The following RSRC1 variants were observed in gnomAD, a reference collection of about 807,000 sequenced individuals.
The protein encoded by RSRC1 is serine/Arginine-related protein 53.
In RSRC1, 39 loss-of-function variants were observed where a neutral mutation model predicts 49.1. The observed-to-expected ratio is 0.79, with a 90% CI of 0.61 to 1.04. The LOEUF is 1.04. Among genes scored for constraint, RSRC1 ranks in the 50% least tolerant of loss-of-function variants. The pLI is 0.00. For synonymous variants in RSRC1, 143 were observed against 130.8 expected (o/e 1.09, Z -0.63); for missense variants, 388 against 402.4 (o/e 0.96, Z 0.31).
intron 3 of RSRC1, among the ~76,000 whole-genome samples, chr3:158,154,787 G>A (rs1219972893): frequency 2.0e-5 from 3 of 152,048 alleles, no homozygotes; most frequent in Non-Finnish European, 2.9e-5. Context: ...ATTAGAGTCA[G>A]TCTTCTCAAA....
At chr3:158,141,521 A>C (rs1459660313) in intron 3 of RSRC1, among the ~76,000 whole-genome samples, 2 of 152,216 alleles carry the variant, frequency 1.3e-5, no homozygotes, top group Non-Finnish European at 2.9e-5. Context: ...ATGACTATGC[A>C]AGTGTAAATA....
At chr3:158,140,281 A>G (rs1716663180) in intron 3 of RSRC1, among the ~76,000 whole-genome samples, 1 of 152,200 alleles carries the variant, frequency 6.6e-6, no homozygotes, top group Non-Finnish European at 1.5e-5. Context: ...GTTCACTTTC[A>G]TACGGGAGGC....
intron 4 of RSRC1, among the ~76,000 whole-genome samples, chr3:158,273,403 G>T (rs1725629631): frequency 6.6e-6 from 1 of 151,844 alleles, no homozygotes; most frequent in South Asian, 2.1e-4. Context: ...TCTTTTATTT[G>T]TTATTTATGG....
At chr3:158,243,490 G>A (rs1372280281) in intron 4 of RSRC1, among the ~76,000 whole-genome samples, 3 of 152,164 alleles carry the variant, frequency 2.0e-5, no homozygotes, top group African/African-American at 7.2e-5. Context: ...GATGCCTCCA[G>A]CTTTGTTCTT....
chr3:158,459,031 G>A (rs1285474564), intron 6 of RSRC1, among the ~76,000 whole-genome samples: 2 of 152,056 alleles, frequency 1.3e-5, no homozygotes, highest in African/African-American at 4.8e-5. Context: ...CATACTGATT[G>A]TTGGTAAAAT....
Position 158,430,354 on chromosome 3 carries a change from G to GCC in RSRC1, c.584-30580_584-30579dup, listed in dbSNP as rs372792580. ...CTTTGTCAACGAAGAGCTCCAGGCA[G>GCC]CCACTAGCATTCGACTGGAGCTGAT... is the stretch of plus-strand genomic sequence containing the variant. On this transcript the variant is annotated intron_variant, in intron 6 of 9. Coordinates refer to ENST00000611884, the MANE Select transcript of RSRC1 (RefSeq NM_001271838.2). Among the ~76,000 whole-genome samples the GCC allele has an allele frequency of 2.0e-3, 300 of 152,006 alleles. 4 individuals carry two copies. The South Asian group carries it at 0.03, about 15-fold the overall frequency.
At chr3:158,361,614 G>T (rs1013749855) in intron 6 of RSRC1, among the ~76,000 whole-genome samples, 1 of 152,160 alleles carries the variant, frequency 6.6e-6, no homozygotes. Flanking sequence ...TTACTCAGCG[G>T]TTCTCAGTTG....
intron 6 of RSRC1, among the ~76,000 whole-genome samples, chr3:158,436,267 A>T (rs186878036): frequency 1.7e-4 from 26 of 152,038 alleles, no homozygotes; most frequent in Admixed American, 1.6e-3. Context: ...ACCTAAGAGG[A>T]GGAATTAATG....
At chr3:158,268,618 G>T (rs1203164671) in intron 4 of RSRC1, among the ~76,000 whole-genome samples, 1 of 152,102 alleles carries the variant, frequency 6.6e-6, no homozygotes, top group Non-Finnish European at 1.5e-5. Context: ...TGAGATTTTT[G>T]TGATTAGACT....
chr3:158,189,651 T>G (rs1720120287), intron 3 of RSRC1, among the ~76,000 whole-genome samples: 1 of 151,948 alleles, frequency 6.6e-6, no homozygotes, highest in Non-Finnish European at 1.5e-5. Flanking sequence ...ATACTTAAGA[T>G]GTTCATTTTG....
At chr3:158,502,422 TG>T (rs1739649091) in intron 7 of RSRC1, among the ~76,000 whole-genome samples, 1 of 152,200 alleles carries the variant, frequency 6.6e-6, no homozygotes, top group South Asian at 2.1e-4. Flanking sequence ...CTAGCAAGGC[TG>T]GGGAAGTTTT....
intron 6 of RSRC1, among the ~76,000 whole-genome samples, chr3:158,414,619 G>T (rs1242790667): frequency 6.6e-6 from 1 of 151,972 alleles, no homozygotes; most frequent in Non-Finnish European, 1.5e-5. Context: ...CCATTCAGGA[G>T]GCTTAGGAGA....
At chr3:158,197,885 A>AT (rs1472243418) in intron 3 of RSRC1, among the ~76,000 whole-genome samples, 2 of 152,040 alleles carry the variant, frequency 1.3e-5, no homozygotes, top group African/African-American at 4.8e-5. Flanking sequence ...GTTCCTTTAC[A>AT]TTTGCTGAGG....
chr3:158,151,027 C>G (rs1245122375), intron 3 of RSRC1, among the ~76,000 whole-genome samples: 1 of 152,090 alleles, frequency 6.6e-6, no homozygotes, highest in Admixed American at 6.6e-5. Context: ...TTGATATTGC[C>G]CATATACCTT....
chr3:158,181,977 A>G (rs1311353390), intron 3 of RSRC1, among the ~76,000 whole-genome samples: 2 of 152,176 alleles, frequency 1.3e-5, no homozygotes, highest in African/African-American at 2.4e-5. Context: ...AGGATAGTCA[A>G]TGAACAACAA....
chr3:158,293,035 T>A (rs1024053594), intron 4 of RSRC1, among the ~76,000 whole-genome samples: 1 of 152,128 alleles, frequency 6.6e-6, no homozygotes, highest in Non-Finnish European at 1.5e-5. Flanking sequence ...CCTGTGTTGT[T>A]TTGAGGTGGT....
At chr3:158,453,799 TTGTG>T (rs1297864646) in intron 6 of RSRC1, among the ~76,000 whole-genome samples, 6 of 152,146 alleles carry the variant, frequency 3.9e-5, no homozygotes, top group Admixed American at 2.0e-4. Context: ...ATGTTTATGT[TTGTG>T]TGTATGTGTA....
intron 7 of RSRC1, among the ~76,000 whole-genome samples, chr3:158,518,139 TATATATA>T (rs1560073747): frequency 1.7e-5 from 2 of 116,362 alleles, no homozygotes; most frequent in Non-Finnish European, 3.4e-5. Context: ...TATATATATA[TATATATA>T]TATTTTTTTT....
In RSRC1 at chr3:158,147,102, C is replaced by CTTTTTTTTTTTTTTTTTTTTTTTTTTTT. The variant is rs35460810; in HGVS notation, c.320+23138_320+23139insTTTTTTTTTTTTTTTTTTTTTTTTTTTT. Among the ~76,000 whole-genome samples, 4 of 34,738 alleles carry CTTTTTTTTTTTTTTTTTTTTTTTTTTTT rather than the reference C, an allele frequency of 1.2e-4. 1 individual carries two copies. Among genetic ancestry groups the CTTTTTTTTTTTTTTTTTTTTTTTTTTTT allele is most frequent in the African/African-American group, 3.0e-4 (2 of 6,616 alleles). 22.8% of individuals were successfully genotyped at this position (34,738 alleles called of 152,430 possible). A position where few individuals can be genotyped will look rare whatever the true frequency, so the allele number is the denominator to read the frequency against. On this transcript the variant is annotated intron_variant, in intron 3 of 9. Transcript: ENST00000611884. ...CCTTTTCTTTCTTCTGCTTTTCTGCCTTTTTTTTTTTTTTTTTTTTTTTTT... is the reference window on the plus strand; with the variant it reads ...CCTTTTCTTTCTTCTGCTTTTCTGCCTTTTTTTTTTTTTTTTTTTTTTTTTTTTTTTTTTTTTTTTTTTTTTTTTTTTT...
Sources: gnomAD v4.1 joint callset for allele counts (sites outside exome capture counted in the v4.1 genomes callset) on GRCh38, gnomAD v4.1.1 for gene constraint, MANE v1.5 for transcripts, NCBI Gene and HGNC (gene_info 2026-07-23, HGNC 2026-07-21) for gene names.